The following USP6 variants were observed in gnomAD, a reference collection of about 807,000 sequenced individuals.
USP6 encodes ubiquitin carboxyl-terminal hydrolase 6.
Under a neutral mutation model 175.7 loss-of-function variants are expected in USP6, and 128 were observed. The observed-to-expected ratio is 0.73, with a 90% CI of 0.63 to 0.84. USP6 has a LOEUF of 0.84. USP6 is among the 40% of genes least tolerant of loss of function. USP6 has a pLI of 0.00. For synonymous variants in USP6, 562 were observed against 630.6 expected, an observed-to-expected ratio of 0.89 and a Z score of 1.63; for missense variants, 1,498 against 1,760.3, an observed-to-expected ratio of 0.85 and a Z score of 2.67.
chr17:5,132,949 G>C lies in USP6; in HGVS notation c.235G>C (p.Glu79Gln). 6.2e-7 allele frequency: 1 copy of C among 1,614,204 alleles called. No homozygotes were observed. The highest frequency in any genetic ancestry group is 8.5e-7 in the Non-Finnish European group (1 of 1,180,030). Reference protein sequence around the residue: ...REMTRTSKWMEMLGEWETYKH... With the variant: ...REMTRTSKWMQMLGEWETYKH... ...GATGACACGAACGAGCAAGTGGATGGAAATGCTGGGAGAATGGGAGACATA... is the reference window on the plus strand; with the variant it reads ...GATGACACGAACGAGCAAGTGGATGCAAATGCTGGGAGAATGGGAGACATA... The change falls in exon 13 of 38, where the codon GAA becomes CAA. Residue 79 changes from glutamate to glutamine, a missense_variant. Glu to Gln is a conservative substitution (Grantham distance 29). Coordinates refer to ENST00000574788, the MANE Select transcript of USP6 (RefSeq NM_001304284.2). The surrounding 1 kb of genome is among the most constrained non-coding windows in gnomAD (Gnocchi z 4.7).
At chr17:5,135,665 G>A (rs767230641) in intron 16 of USP6, 143 bp from the exon 17 acceptor site, 82 of 1,572,838 alleles carry the variant, frequency 5.2e-5, no homozygotes, top group Non-Finnish European at 7.0e-5. Flanking sequence ...CTCTTGTCAT[G>A]AAATGAATTT....
intron 28 of USP6, 42 bp from the exon 29 acceptor site, chr17:5,147,041 C>G (rs1316148845): frequency 1.9e-6 from 3 of 1,556,686 alleles, no homozygotes; most frequent in Non-Finnish European, 2.6e-6. Flanking sequence ...TCCTTTTTAT[C>G]TGAAACATCT....
chr17:5,134,801 ACTGAGCAGCAGT>A (rs1014969291), intron 15 of USP6: 1 of 289,300 alleles, frequency 3.5e-6, no homozygotes, highest in African/African-American at 2.2e-5. Flanking sequence ...AACCATAGGG[ACTGAGCAGCAGT>A]CTGGGTGGCC....
At chr17:5,160,734 T>A (rs1370868201) in intron 31 of USP6, among the ~76,000 whole-genome samples, 1 of 152,246 alleles carries the variant, frequency 6.6e-6, no homozygotes, top group African/African-American at 2.4e-5. Flanking sequence ...ATCCTTTGGG[T>A]ATATACCCAG....
Position 5,144,670 on chromosome 17 carries a change from G to C in USP6, c.1819-20G>C. On this transcript the variant is annotated intron_variant, in intron 25 of 37. Coordinates refer to ENST00000574788, the MANE Select transcript of USP6 (RefSeq NM_001304284.2). ...TTTATGGGTAGGAAATAATGACTGT[G>C]ACTTCTCTTATATTTATAGCGGACC... 6.2e-7 allele frequency: 1 copy of C among 1,610,484 alleles called. No homozygotes were observed. Among genetic ancestry groups the C allele is most frequent in the Non-Finnish European group, 8.5e-7 (1 of 1,179,032 alleles).
At position 5,125,011 on chromosome 17, in the gene USP6, TGAGCAAA is replaced by T. The variant is rs1478225237; in HGVS notation, c.-851_-845del. 3.3e-5 allele frequency: 5 copies of T among 152,282 alleles called. No homozygotes were observed. Among genetic ancestry groups the T allele is most frequent in the Non-Finnish European group, 7.3e-5 (5 of 68,092 alleles). The allele number at this position is 152,282 out of a possible 1,614,324, so 9.4% of individuals were successfully genotyped here. ...CAGCAGGAGGTGAGCAGCCAGCCAG[TGAGCAAA>T]GCTTCATCTGTAGAAACAGCCACTT... On this transcript the variant is annotated 5_prime_UTR_variant, in exon 5 of 38. It introduces an in-frame stop codon into an upstream open reading frame of the 5' UTR. Coordinates refer to ENST00000574788, the MANE Select transcript of USP6 (RefSeq NM_001304284.2).
In USP6 at chr17:5,155,534, C is replaced by T. The variant is rs765476931; in HGVS notation, c.2756C>T (p.Ala919Val). 1.3e-5 allele frequency: 21 copies of T among 1,613,946 alleles called. No homozygotes were observed. Among genetic ancestry groups the T allele is most frequent in the Admixed American group, 8.3e-5 (5 of 59,972 alleles). ...VHTRKKDLYD[A>V]VWIQVSWLAR... ...ACCCGGAAGAAAGACCTATATGATG[C>T]GGTTTGGATTCAAGTATCCTGGTTA... The change falls in exon 31 of 38, where the codon GCG (alanine) becomes GTG (valine). Residue 919 changes from alanine to valine, a missense_variant. Physicochemically the swap from Ala to Val is moderately conservative, Grantham distance 64. Coordinates refer to ENST00000574788, the MANE Select transcript of USP6 (RefSeq NM_001304284.2).
intron 29 of USP6, among the ~76,000 whole-genome samples, chr17:5,147,601 A>G (rs1300561350): frequency 2.0e-5 from 3 of 152,234 alleles, no homozygotes; most frequent in African/African-American, 7.2e-5. Context: ...TATTCTTTAT[A>G]TTACTTACAA....
At chr17:5,120,531 G>T (rs1220232221) in intron 2 of USP6, 96 bp from the exon 3 acceptor site, 1 of 347,470 alleles carries the variant, frequency 2.9e-6, no homozygotes, top group Non-Finnish European at 5.6e-6. Flanking sequence ...CTGTCTGTCT[G>T]TCATCTGCAC....
Position 5,170,584 on chromosome 17 carries a change from G to A in USP6, c.3623G>A (p.Arg1208Gln), listed in dbSNP as rs1305274351. Residue 1208 changes from arginine to glutamine, a missense_variant, in exon 36 of 38, where the codon CGG (arginine) becomes CAG (glutamine). Physicochemically the swap from Arg to Gln is conservative, Grantham distance 43. Transcript: ENST00000574788. The part of the protein sequence containing the change: ...RTLGRSKGRL[R>Q]LPQIGSKNKP... ...TTGGGGAGGAGCAAAGGGAGGCTCC[G>A]GCTGCCCCAGATTGGCAGCAAAAAT... The A allele has an allele frequency of 1.9e-6, 3 of 1,612,428 alleles. No individual in the cohort carries two copies. Among genetic ancestry groups the A allele is most frequent in the African/African-American group, 1.3e-5 (1 of 74,964 alleles).
In USP6 at chr17:5,132,197, C is replaced by T; in HGVS notation, c.156-199C>T. 6.5e-7 allele frequency: 1 copy of T among 1,541,520 alleles called. No individual in the cohort carries two copies. The highest frequency in any genetic ancestry group is 8.8e-7 in the Non-Finnish European group (1 of 1,141,548). On this transcript the variant is annotated intron_variant, in intron 11 of 37. Transcript: ENST00000574788. This position sits in a 1 kb window ranked among gnomAD's most constrained non-coding sequence, Gnocchi z 4.7. ...TAACCCCAGCCAGGCTGTCCCTGCA[C>T]TCCTTCTTCTCCCAGGTCCTGCCCC...
At chr17:5,170,018 T>C (rs151203202) in intron 35 of USP6, among the ~76,000 whole-genome samples, 1 of 152,228 alleles carries the variant, frequency 6.6e-6, no homozygotes, top group Non-Finnish European at 1.5e-5. Context: ...CTAAAAGGTT[T>C]AAAGCCTTGC....
In USP6 at chr17:5,141,416, T is replaced by C; in HGVS notation, c.1499-9T>C. 1 of 1,601,940 alleles carries C rather than the reference T, an allele frequency of 6.2e-7. No homozygotes were observed. The highest frequency in any genetic ancestry group is 1.1e-5 in the South Asian group (1 of 87,676). On this transcript the variant is annotated splice_polypyrimidine_tract_variant and intron_variant, in intron 22 of 37. Coordinates refer to ENST00000574788, the MANE Select transcript of USP6 (RefSeq NM_001304284.2). ...TAAGAAATTAACACATTCCTATCTG[T>C]CCTTCCAGTTCACAACAAAGATATG...
intron 4 of USP6, among the ~76,000 whole-genome samples, chr17:5,122,424 G>A (rs1206757907): frequency 1.3e-5 from 2 of 152,204 alleles, no homozygotes; most frequent in African/African-American, 4.8e-5. Context: ...CAGTATCCTG[G>A]AGTCTCCATG....
chr17:5,133,650 G>GGGGGGGGC, intron 14 of USP6, 100 bp downstream of exon 14: 1 of 556,558 alleles, frequency 1.8e-6, no homozygotes, highest in Non-Finnish European at 3.5e-6. Context: ...GGGGGGGTGG[G>GGGGGGGGC]AGGGGATGGT....
At chr17:5,131,069 G>A (rs2073051455) in intron 11 of USP6, among the ~76,000 whole-genome samples, 1 of 152,210 alleles carries the variant, frequency 6.6e-6, no homozygotes, top group Admixed American at 6.5e-5. Flanking sequence ...CCAGTCTCAG[G>A]GCTGTTGTCC....
In USP6 at chr17:5,168,896, C is replaced by T; in HGVS notation, c.3358C>T (p.His1120Tyr). The T allele has an allele frequency of 6.8e-6, 11 of 1,613,986 alleles. No individual in the cohort carries two copies. The highest frequency in any genetic ancestry group is 1.7e-5 in the Admixed American group (1 of 60,016). Reference protein sequence around the residue: ...LVPRDPALCQHKPLTPQGDEL... With the variant: ...LVPRDPALCQYKPLTPQGDEL... The stretch of plus-strand genomic sequence containing the variant: ...ACCACGAGACCCGGCCCTCTGCCAG[C>T]ATAAACCACTCACACCCCAGGGGGA... Residue 1120 changes from histidine (H) to tyrosine (Y), a missense_variant, in exon 35 of 38, where the codon CAT (histidine) becomes TAT (tyrosine). This residue lies in a region of USP6 where 1,217 missense variants were observed against 1,500.8 expected (regional missense o/e 0.81). Coordinates refer to ENST00000574788, the MANE Select transcript of USP6 (RefSeq NM_001304284.2).
chr17:5,172,930 G>A lies in USP6; in HGVS notation c.4173G>A (p.Thr1391=), dbSNP rs572738539. 19 of 1,613,956 alleles carry A rather than the reference G, an allele frequency of 1.2e-5. No homozygotes were observed. The highest frequency in any genetic ancestry group is 2.7e-5 in the African/African-American group (2 of 75,036). Residue 1391 remains threonine, a synonymous_variant, in exon 38 of 38, where the codon ACG becomes ACA. Coordinates refer to ENST00000574788, the MANE Select transcript of USP6 (RefSeq NM_001304284.2). The part of the protein sequence containing the change: ...DGKKMADTSS[T]DEDSESDYEK... ...AAAAGATGGCAGACACAAGCAGTAC[G>A]GATGAAGACTCTGAGTCTGATTACG...
intron 11 of USP6, among the ~76,000 whole-genome samples, chr17:5,131,272 T>C (rs2073058841): frequency 6.6e-6 from 1 of 150,900 alleles, no homozygotes; most frequent in South Asian, 2.1e-4. Context: ...GCAGGGCTTG[T>C]GACTAAAGAC....
Sources: allele counts gnomAD v4.1 joint callset (sites outside exome capture counted in the v4.1 genomes callset), GRCh38; gene constraint gnomAD v4.1.1; regional missense constraint gnomAD v4.1.1; non-coding constraint Gnocchi (gnomAD v3.1); transcripts MANE v1.5; gene names NCBI Gene and HGNC (gene_info 2026-07-23, HGNC 2026-07-21).